Variants in KIF4A observed in about 807,000 individuals in gnomAD.
KIF4A encodes the protein chromosome-associated kinesin KIF4A.
KIF4A carries 7 observed loss-of-function variants against 105.9 expected under a neutral mutation model. The ratio of observed to expected loss-of-function variants is 0.07; its 90% CI spans 0.04 to 0.12. KIF4A has a LOEUF of 0.12. KIF4A is among the 10% of genes least tolerant of loss of function. The probability of loss-of-function intolerance (pLI) is 1.00; values close to 1 mark genes in which losing one functional copy is unlikely to be tolerated. For synonymous variants in KIF4A, 281 were observed against 331.3 expected (o/e 0.85, Z 1.65); for missense variants, 558 against 929.2 (o/e 0.60, Z 5.19).
intron 7 of KIF4A, among the ~76,000 whole-genome samples, chrX:70,328,059 C>T (rs2085917078): frequency 1.8e-5 from 2 of 111,568 alleles, no homozygotes; most frequent in South Asian, 7.6e-4. Flanking sequence ...AGGATGCAGT[C>T]AGGAATTTCG....
intron 19 of KIF4A, among the ~76,000 whole-genome samples, 190 bp downstream of exon 19, chrX:70,386,891 T>A (rs747369168): frequency 1.8e-5 from 2 of 112,044 alleles, no homozygotes; most frequent in African/African-American, 6.5e-5. Context: ...AAAATGGTAC[T>A]GTTCAAATAA....
chrX:70,411,959 G>A, intron 28 of KIF4A, among the ~76,000 whole-genome samples: 1 of 109,802 alleles, frequency 9.1e-6, no homozygotes, highest in Non-Finnish European at 1.9e-5. Context: ...CATGCTGGTG[G>A]GTTGCCAGCA....
chrX:70,351,488 T>C (rs2086030175), intron 13 of KIF4A, among the ~76,000 whole-genome samples: 1 of 111,936 alleles, frequency 8.9e-6, no homozygotes, highest in African/African-American at 3.2e-5. Flanking sequence ...CTTCTTATGG[T>C]TGAGTAGTGT....
intron 13 of KIF4A, among the ~76,000 whole-genome samples, chrX:70,344,582 C>T (rs1009214729): frequency 4.5e-5 from 5 of 110,612 alleles, no homozygotes; most frequent in Non-Finnish European, 9.4e-5. Flanking sequence ...ATCTCTTAGT[C>T]CTTAGGCATA....
At chrX:70,312,826 G>C (rs1403013722) in intron 7 of KIF4A, among the ~76,000 whole-genome samples, 3 of 111,482 alleles carry the variant, frequency 2.7e-5, no homozygotes, top group African/African-American at 9.8e-5. Context: ...TGTCTAAATA[G>C]GATATTTACT....
Position 70,290,924 on chromosome X carries a change from A to G in KIF4A, c.235+119A>G, listed in dbSNP as rs769227352. 1.2e-4 allele frequency: 59 copies of G among 490,979 alleles called. No homozygotes were observed. The South Asian group carries it at 1.8e-3, about 15-fold the overall frequency. 40.5% of individuals were successfully genotyped at this position (490,979 alleles called of 1,213,427 possible). A position where few individuals can be genotyped will look rare whatever the true frequency, so the allele number is the denominator to read the frequency against. The stretch of plus-strand genomic sequence containing the variant: ...TCGATGAATCATGATTCCTGCCTTC[A>G]AGAAGCCCTTAGCCTAATAACATTT... On this transcript the variant is annotated intron_variant, in intron 3 of 30. Transcript: ENST00000374403.
chrX:70,366,186 T>A (rs1470493253), intron 15 of KIF4A, among the ~76,000 whole-genome samples: 6 of 111,751 alleles, frequency 5.4e-5, no homozygotes, highest in African/African-American at 1.9e-4. Flanking sequence ...TTGTTGATCT[T>A]TTCAAAAAAC....
At chrX:70,296,889 TAAG>T in intron 3 of KIF4A, 106 bp from the exon 4 acceptor site, 1 of 876,917 alleles carries the variant, frequency 1.1e-6, no homozygotes, top group Non-Finnish European at 1.6e-6. Context: ...GAGACTGTAT[TAAG>T]AGAGCAATCT....
chrX:70,327,156 G>C (rs1321423518), intron 7 of KIF4A, among the ~76,000 whole-genome samples: 1 of 111,828 alleles, frequency 8.9e-6, no homozygotes, highest in Non-Finnish European at 1.9e-5. Flanking sequence ...ATTTAGTACA[G>C]GTATTAGCAG....
In KIF4A at chrX:70,420,291, A is replaced by G. The variant is rs185190994; in HGVS notation, c.*26A>G. 6 of 1,179,184 alleles carry G rather than the reference A, an allele frequency of 5.1e-6. No individual in the cohort carries two copies. Among genetic ancestry groups the G allele is most frequent in the East Asian group, 6.0e-5 (2 of 33,453 alleles). ...AGTTGGAGTCATCATCTCTACCCCCAGTCTGGCTTGGGAGATGCTTTCAGG... is the reference window on the plus strand; with the variant it reads ...AGTTGGAGTCATCATCTCTACCCCCGGTCTGGCTTGGGAGATGCTTTCAGG... On this transcript the variant is annotated 3_prime_UTR_variant, in exon 31 of 31. Transcript: ENST00000374403.
chrX:70,332,107 A>G (rs2085933253), intron 9 of KIF4A, among the ~76,000 whole-genome samples: 1 of 112,292 alleles, frequency 8.9e-6, no homozygotes, highest in South Asian at 3.7e-4. Flanking sequence ...ATATAAAAGT[A>G]TAAAGTTCAG....
chrX:70,305,816 A>G (rs1845159349), intron 7 of KIF4A, among the ~76,000 whole-genome samples: 1 of 112,084 alleles, frequency 8.9e-6, no homozygotes, highest in South Asian at 3.7e-4. Flanking sequence ...CTCACCAGCA[A>G]TATATAAGGG....
At chrX:70,365,792 T>G (rs919021815) in intron 15 of KIF4A, among the ~76,000 whole-genome samples, 2 of 111,878 alleles carry the variant, frequency 1.8e-5, no homozygotes, top group Admixed American at 9.5e-5. Flanking sequence ...CTTTTTCTAT[T>G]GATTGGAATA....
At chrX:70,350,356 G>A (rs369783988) in intron 13 of KIF4A, among the ~76,000 whole-genome samples, 12 of 111,955 alleles carry the variant, frequency 1.1e-4, no homozygotes, top group East Asian at 5.7e-4. Flanking sequence ...TTGGCGGCGG[G>A]TGCCTGCATT....
intron 7 of KIF4A, among the ~76,000 whole-genome samples, chrX:70,315,891 C>CA (rs2085867539): frequency 8.9e-6 from 1 of 111,942 alleles, no homozygotes; most frequent in Non-Finnish European, 1.9e-5. Context: ...TGGGCGAAGC[C>CA]TTTGCCACAG....
chrX:70,358,436 A>T (rs1007365898), intron 15 of KIF4A, among the ~76,000 whole-genome samples: 1 of 110,426 alleles, frequency 9.1e-6, no homozygotes, highest in African/African-American at 3.3e-5. Context: ...TTGTCTTTTT[A>T]TTCCACTCTG....
intron 28 of KIF4A, among the ~76,000 whole-genome samples, chrX:70,415,044 G>A (rs2086337634): frequency 8.9e-6 from 1 of 112,120 alleles, no homozygotes; most frequent in African/African-American, 3.2e-5. Context: ...CTTCCTGAAT[G>A]TGTATACAAG....
At chrX:70,364,033 G>A (rs1486535253) in intron 15 of KIF4A, among the ~76,000 whole-genome samples, 2 of 112,444 alleles carry the variant, frequency 1.8e-5, no homozygotes, top group Non-Finnish European at 3.8e-5. Context: ...CTGCATAAAT[G>A]TCTTCTTTTG....
chrX:70,340,614 C>T (rs1329101986), intron 10 of KIF4A, among the ~76,000 whole-genome samples: 1 of 111,811 alleles, frequency 8.9e-6, no homozygotes, highest in Non-Finnish European at 1.9e-5. Flanking sequence ...AACATTCCTT[C>T]ATAAGAGTCT....
Sources: allele counts gnomAD v4.1 joint callset (sites outside exome capture counted in the v4.1 genomes callset), GRCh38; gene constraint gnomAD v4.1.1; transcripts MANE v1.5; gene names NCBI Gene and HGNC (gene_info 2026-07-23, HGNC 2026-07-21).